The following CC2D2B variants were observed in gnomAD, a reference collection of about 807,000 sequenced individuals.
CC2D2B encodes the protein coiled-coil and C2 domain containing 2B, also known as protein CC2D2B.
A neutral mutation model predicts 161.2 loss-of-function variants in CC2D2B; 128 were observed. The observed-to-expected ratio is 0.79, with a 90% CI of 0.69 to 0.92. The LOEUF (loss-of-function observed/expected upper bound fraction) is 0.92, where lower values mean the gene tolerates loss of function less well. Among genes scored for constraint, CC2D2B ranks in the 40% least tolerant of loss-of-function variants. CC2D2B has a pLI of 0.00. For synonymous variants in CC2D2B, 391 were observed against 449.8 expected (o/e 0.87, Z 1.65); for missense variants, 1,173 against 1,375.1 (o/e 0.85, Z 2.32).
At chr10:95,973,776 A>G (rs1412034721) in intron 16 of CC2D2B, among the ~76,000 whole-genome samples, 1 of 150,362 alleles carries the variant, frequency 6.7e-6, no homozygotes, top group Non-Finnish European at 1.5e-5. Context: ...CAGGAGAATC[A>G]TTTGAACCCA....
chr10:95,931,504 T>A (rs1350304321), intron 6 of CC2D2B, among the ~76,000 whole-genome samples: 1 of 152,168 alleles, frequency 6.6e-6, no homozygotes, highest in African/African-American at 2.4e-5. Context: ...TTCCCACTTT[T>A]TCCTGTGGGC....
At chr10:95,965,621 G>A (rs1057435111) in intron 12 of CC2D2B, among the ~76,000 whole-genome samples, 1 of 152,032 alleles carries the variant, frequency 6.6e-6, no homozygotes, top group African/African-American at 2.4e-5. Context: ...TCTCACCAGA[G>A]GAAAGGTTTC....
At chr10:95,965,728 A>G (rs1393318814) in intron 12 of CC2D2B, among the ~76,000 whole-genome samples, 168 bp from the exon 13 acceptor site, 2 of 151,958 alleles carry the variant, frequency 1.3e-5, no homozygotes, top group Non-Finnish European at 2.9e-5. Flanking sequence ...AGTTTTTTAA[A>G]TATTTATCAA....
chr10:95,958,862 C>A (rs2076668115), intron 11 of CC2D2B, among the ~76,000 whole-genome samples: 1 of 151,768 alleles, frequency 6.6e-6, no homozygotes, highest in Non-Finnish European at 1.5e-5. Flanking sequence ...AATGAAATAA[C>A]AAAGAGATAA....
intron 6 of CC2D2B, among the ~76,000 whole-genome samples, chr10:95,928,206 TTTG>T (rs1456274186): frequency 2.0e-5 from 3 of 146,986 alleles, no homozygotes; most frequent in African/African-American, 7.7e-5. Flanking sequence ...TCATTCTCGT[TTTG>T]TTATTGTTGT....
At chr10:95,924,518 C>T (rs2141178937) in intron 4 of CC2D2B, 128 bp downstream of exon 4, 2 of 535,200 alleles carry the variant, frequency 3.7e-6, no homozygotes, top group Non-Finnish European at 3.3e-6. Flanking sequence ...CTAAAGTCTT[C>T]CTCTCTCTCT....
chr10:95,991,298 C>A, intron 20 of CC2D2B, 72 bp from the exon 21 acceptor site: 1 of 429,022 alleles, frequency 2.3e-6, no homozygotes, highest in Non-Finnish European at 3.8e-6. Flanking sequence ...ATACTGGCAC[C>A]GGTAGCATTG....
intron 5 of CC2D2B, among the ~76,000 whole-genome samples, chr10:95,925,495 C>G (rs1231674634): frequency 6.6e-6 from 1 of 152,112 alleles, no homozygotes; most frequent in Non-Finnish European, 1.5e-5. Context: ...GATTTTAATC[C>G]AACTTACAGA....
At chr10:95,975,649 A>G (rs1590694580) in intron 17 of CC2D2B, among the ~76,000 whole-genome samples, 1 of 152,208 alleles carries the variant, frequency 6.6e-6, no homozygotes, top group Admixed American at 6.5e-5. Context: ...CCAGAACCCA[A>G]GTGAATAACT....
chr10:95,992,240 C>T (rs2141672939), intron 21 of CC2D2B, among the ~76,000 whole-genome samples: 1 of 152,316 alleles, frequency 6.6e-6, no homozygotes, highest in East Asian at 1.9e-4. Context: ...TCCAAAAGAT[C>T]ATCATGTTTC....
chr10:96,008,773 C>G (rs1035698516), intron 25 of CC2D2B, among the ~76,000 whole-genome samples: 17 of 151,854 alleles, frequency 1.1e-4, no homozygotes, highest in African/African-American at 3.9e-4. Context: ...TTTTGGGAGT[C>G]CTTTGTATTC....
intron 3 of CC2D2B, among the ~76,000 whole-genome samples, chr10:95,924,112 T>A (rs565403095): frequency 6.6e-6 from 1 of 152,268 alleles, no homozygotes; most frequent in East Asian, 1.9e-4. Context: ...TGGGTGAAAG[T>A]ATTTATTCCA....
intron 12 of CC2D2B, 27 bp downstream of exon 12, chr10:95,961,996 T>C (rs981947071): frequency 2.4e-6 from 3 of 1,230,470 alleles, no homozygotes; most frequent in African/African-American, 3.1e-5. Context: ...TTTGCTCTTA[T>C]TGGTCTCCTG....
chr10:95,943,918 A>G (rs2076106929), intron 9 of CC2D2B, among the ~76,000 whole-genome samples: 1 of 152,194 alleles, frequency 6.6e-6, no homozygotes, highest in South Asian at 2.1e-4. Context: ...ATCTTCATCC[A>G]ACCAGGGACT....
At chr10:95,999,745 CTTTTTTTTT>C (rs746798457) in intron 24 of CC2D2B, 1 of 174,954 alleles carries the variant, frequency 5.7e-6, no homozygotes, top group South Asian at 1.0e-4. Context: ...GTCCAGAGGT[CTTTTTTTTT>C]TTTTTTTTTT....
At chr10:95,996,751 A>G (rs910468235) in intron 24 of CC2D2B, among the ~76,000 whole-genome samples, 4 of 152,190 alleles carry the variant, frequency 2.6e-5, no homozygotes, top group African/African-American at 9.7e-5. Flanking sequence ...TTATTTTGAA[A>G]GATTCATCCA....
intron 20 of CC2D2B, among the ~76,000 whole-genome samples, chr10:95,989,577 A>C (rs377390612): frequency 1.3e-5 from 2 of 152,238 alleles, no homozygotes; most frequent in East Asian, 3.8e-4. Flanking sequence ...AAGAGAACAC[A>C]TATCCTCCTT....
At position 95,947,113 on chromosome 10, in the gene CC2D2B, ATT is replaced by A. The variant is rs753866384; in HGVS notation, c.802-2767_802-2766del. On this transcript the variant is annotated intron_variant, in intron 9 of 34. Coordinates refer to ENST00000646931, the MANE Select transcript of CC2D2B (RefSeq NM_001349008.3). ...TATATATATATATATATATATATATATTTTTTTTTTTTTTTTTGAGACAAAGT... is the reference window on the plus strand; with the variant it reads ...TATATATATATATATATATATATATATTTTTTTTTTTTTTTGAGACAAAGT... 8.6e-3 allele frequency among the ~76,000 whole-genome samples: 413 copies of A among 48,264 alleles called. 9 individuals are homozygous for A. The highest frequency in any genetic ancestry group is 0.025 in the African/African-American group (262 of 10,658). The allele number at this position is 48,264 out of a possible 152,430, so 31.7% of individuals were successfully genotyped here.
At chr10:95,999,829 G>A in intron 24 of CC2D2B, 1 of 465,104 alleles carries the variant, frequency 2.2e-6, no homozygotes, top group South Asian at 1.9e-5. Flanking sequence ...CTTCCCATTG[G>A]GTCTCACAAA....
Sources: gnomAD v4.1 joint callset for allele counts (sites outside exome capture counted in the v4.1 genomes callset) on GRCh38, gnomAD v4.1.1 for gene constraint, MANE v1.5 for transcripts, NCBI Gene and HGNC (gene_info 2026-07-23, HGNC 2026-07-21) for gene names.